Variants in HMCN2 observed in about 807,000 individuals in gnomAD.
HMCN2 encodes hemicentin-2.
In HMCN2, 325 loss-of-function variants were observed where a neutral mutation model predicts 377.5. The ratio of observed to expected loss-of-function variants is 0.86; its 90% CI spans 0.79 to 0.94. HMCN2 has a LOEUF of 0.94. HMCN2 is among the 40% of genes least tolerant of loss of function. HMCN2 has a pLI of 0.00. For synonymous variants in HMCN2, 2,007 were observed against 2,046.8 expected (o/e 0.98, Z 0.53); for missense variants, 4,543 against 4,725.3 (o/e 0.96, Z 1.13).
rs370878827 is a variant in HMCN2, at chr9:130,427,765, G to A, written c.14065+146G>A. 2.9e-6 allele frequency: 3 copies of A among 1,022,448 alleles called. No individual in the cohort carries two copies. The African/African-American group carries it at 4.9e-5, about 17-fold the overall frequency. 63.3% of individuals were successfully genotyped at this position (1,022,448 alleles called of 1,614,324 possible). A position where few individuals can be genotyped will look rare whatever the true frequency, so the allele number is the denominator to read the frequency against. ...TTGAGGGTTTTGATGTCAGCCTGGG[G>A]GTCCCAATGCTATGTCCCCACCAGG... On this transcript the variant is annotated intron_variant, in intron 92 of 97. Coordinates refer to ENST00000683500, the MANE Select transcript of HMCN2 (RefSeq NM_001291815.2).
In HMCN2 at chr9:130,394,981, G is replaced by A; in HGVS notation, c.10693-46G>A. The A allele has an allele frequency of 1.7e-6, 2 of 1,184,202 alleles. No homozygotes were observed. The highest frequency in any genetic ancestry group is 2.6e-5 in the Admixed American group (1 of 38,848). 73.4% of individuals were successfully genotyped at this position (1,184,202 alleles called of 1,614,324 possible). On this transcript the variant is annotated intron_variant, in intron 69 of 97. Coordinates refer to ENST00000683500, the MANE Select transcript of HMCN2 (RefSeq NM_001291815.2). The surrounding 1 kb of genome is among the most constrained non-coding windows in gnomAD (Gnocchi z 5.1). ...GAGAAAGAAACCAGATTGGGAGGCG[G>A]GCAGAGAGGGGCCAGGGGCAGCTGC...
At chr9:130,354,725 A>G (rs1170505482) in intron 31 of HMCN2, 38 bp from the exon 32 acceptor site, 2 of 1,263,772 alleles carry the variant, frequency 1.6e-6, no homozygotes, top group Non-Finnish European at 2.1e-6. Flanking sequence ...GCTAGCGTCC[A>G]GCTGTGGTCC....
intron 4 of HMCN2, among the ~76,000 whole-genome samples, chr9:130,287,197 G>A (rs1588174969): frequency 1.3e-5 from 2 of 152,016 alleles, no homozygotes; most frequent in Admixed American, 6.6e-5. Flanking sequence ...GGTCCCTCCC[G>A]CTTGTCCCCT....
intron 85 of HMCN2, among the ~76,000 whole-genome samples, chr9:130,412,116 C>T (rs1182848857): frequency 2.0e-5 from 3 of 152,088 alleles, no homozygotes; most frequent in South Asian, 2.1e-4. Flanking sequence ...GGATTATAGG[C>T]GCACGCCACC....
chr9:130,302,299 G>A (rs548563926), intron 8 of HMCN2, among the ~76,000 whole-genome samples: 60 of 152,120 alleles, frequency 3.9e-4, no homozygotes, highest in Non-Finnish European at 8.1e-4. Context: ...GCCCACCTCC[G>A]CCTCCCAAAG....
At chr9:130,293,742 T>C (rs1296061455) in intron 4 of HMCN2, among the ~76,000 whole-genome samples, 1 of 152,160 alleles carries the variant, frequency 6.6e-6, no homozygotes, top group Non-Finnish European at 1.5e-5. Flanking sequence ...GAGACACACA[T>C]GGGCACAGCA....
Position 130,365,625 on chromosome 9 carries a change from T to A in HMCN2, c.6409-6T>A, listed in dbSNP as rs1023991354. The A allele has an allele frequency of 1.0e-6, 1 of 985,868 alleles. No individual in the cohort carries two copies. The highest frequency in any genetic ancestry group is 1.7e-5 in the African/African-American group (1 of 57,368). 61.1% of individuals were successfully genotyped at this position (985,868 alleles called of 1,614,324 possible). A position where few individuals can be genotyped will look rare whatever the true frequency, so the allele number is the denominator to read the frequency against. ...CCTCCCATGGGGTGTCTTTGCTCTC[T>A]GCCAGGTGGACAGAGCCGATGTGTG... On this transcript the variant is annotated splice_polypyrimidine_tract_variant and splice_region_variant and intron_variant, in intron 41 of 97. Transcript: ENST00000683500.
intron 8 of HMCN2, among the ~76,000 whole-genome samples, chr9:130,300,818 A>G (rs367798481): frequency 2.0e-5 from 3 of 152,206 alleles, no homozygotes; most frequent in South Asian, 4.1e-4. Context: ...GGAAGCTCCC[A>G]GGGAGAAGGG....
chr9:130,418,695 G>A, intron 85 of HMCN2, 77 bp from the exon 86 acceptor site: 2 of 1,212,644 alleles, frequency 1.6e-6, no homozygotes, highest in East Asian at 5.5e-5. Flanking sequence ...ATTTCCCAGT[G>A]TGTCTAAATG....
At chr9:130,358,815 A>C (rs1187491045) in intron 36 of HMCN2, among the ~76,000 whole-genome samples, 1 of 152,040 alleles carries the variant, frequency 6.6e-6, no homozygotes, top group Non-Finnish European at 1.5e-5. Context: ...CTGGGGCTAC[A>C]GGCACCCACC....
chr9:130,379,481 G>A lies in HMCN2; in HGVS notation c.8431+14G>A, dbSNP rs1841582854. ...CTGTGCTGCAAGGTGGGTCAGGGGTGCGTGAAGAAAGTGGGCGCTTTGAGC... is the reference window on the plus strand; with the variant it reads ...CTGTGCTGCAAGGTGGGTCAGGGGTACGTGAAGAAAGTGGGCGCTTTGAGC... On this transcript the variant is annotated intron_variant, in intron 54 of 97. Transcript: ENST00000683500. 1 of 984,446 alleles carries A rather than the reference G, an allele frequency of 1.0e-6. No homozygotes were observed. Among genetic ancestry groups the A allele is most frequent in the Non-Finnish European group, 1.2e-6 (1 of 828,744 alleles). 61.0% of individuals were successfully genotyped at this position (984,446 alleles called of 1,614,324 possible).
intron 61 of HMCN2, among the ~76,000 whole-genome samples, chr9:130,387,094 G>C (rs1363277375): frequency 6.6e-6 from 1 of 152,226 alleles, no homozygotes; most frequent in Non-Finnish European, 1.5e-5. Flanking sequence ...CACGTTACCT[G>C]CATCTTGATC....
At chr9:130,307,939 T>G (rs1836977218) in intron 14 of HMCN2, among the ~76,000 whole-genome samples, 1 of 152,162 alleles carries the variant, frequency 6.6e-6, no homozygotes. Flanking sequence ...GTTTTATTTT[T>G]TATTTTTTTG....
chr9:130,364,593 G>T, intron 40 of HMCN2, 121 bp from the exon 41 acceptor site: 2 of 290,224 alleles, frequency 6.9e-6, no homozygotes, highest in Non-Finnish European at 1.0e-5. Context: ...AGGACTGAAG[G>T]CAGAGGAAGG....
At chr9:130,316,836 C>T (rs2131387801) in intron 15 of HMCN2, among the ~76,000 whole-genome samples, 1 of 152,312 alleles carries the variant, frequency 6.6e-6, no homozygotes, top group East Asian at 1.9e-4. Flanking sequence ...GGGCAGAGCA[C>T]TGGGCTGGGA....
chr9:130,353,100 CA>C lies in HMCN2; in HGVS notation c.4760del (p.Gln1587ArgfsTer50). The C allele has an allele frequency of 7.7e-7, 1 of 1,304,236 alleles. No individual in the cohort carries two copies. The highest frequency in any genetic ancestry group is 1.0e-6 in the Non-Finnish European group (1 of 988,934). 80.8% of individuals were successfully genotyped at this position (1,304,236 alleles called of 1,614,324 possible). A position where few individuals can be genotyped will look rare whatever the true frequency, so the allele number is the denominator to read the frequency against. On this transcript the variant is annotated frameshift_variant, in exon 31 of 98. Coordinates refer to ENST00000683500, the MANE Select transcript of HMCN2 (RefSeq NM_001291815.2). LOFTEE classifies it high-confidence loss of function. ...TKVVYTRGGR[Q>X]LQLGRAQSSD... ...GGTGGTCTACACTAGGGGCGGTCGG[CA>C]GTTGCAGCTGGGGAGGGCCCAGAGC...
At position 130,369,896 on chromosome 9, in the gene HMCN2, G is replaced by A. The variant is rs1052665673; in HGVS notation, c.7069+45G>A. ...GGAGGAGTTGGGCTGGGGCAGATTA[G>A]AGTGGGCAAGGTGGGTTCAATCTCC... On this transcript the variant is annotated intron_variant, in intron 45 of 97. Transcript: ENST00000683500. The surrounding 1 kb of genome is among the most constrained non-coding windows in gnomAD (Gnocchi z 4.5). 3 of 980,896 alleles carry A rather than the reference G, an allele frequency of 3.1e-6. No individual in the cohort carries two copies. The African/African-American group carries it at 5.3e-5, about 17-fold the overall frequency. The allele number at this position is 980,896 out of a possible 1,614,324, so 60.8% of individuals were successfully genotyped here.
chr9:130,403,653 G>C (rs2131724629), intron 79 of HMCN2, 88 bp from the exon 80 acceptor site: 4 of 1,204,522 alleles, frequency 3.3e-6, no homozygotes, highest in Non-Finnish European at 4.3e-6. Context: ...GTCATTTGCT[G>C]CCTGTGAGAC....
rs936978001 is a variant in HMCN2 at position 130,368,447 on chromosome 9, C to T, written c.6787+10C>T. On this transcript the variant is annotated intron_variant, in intron 44 of 97. Transcript: ENST00000683500. Reference sequence around the variant, plus strand: ...CAGCTGGAGGTGCACGGTGGGTGAGCTGGGCGGGGGCTGGAAGGGTCTGGG... The same window carrying T: ...CAGCTGGAGGTGCACGGTGGGTGAGTTGGGCGGGGGCTGGAAGGGTCTGGG... 40 of 985,924 alleles carry T rather than the reference C, an allele frequency of 4.1e-5. No individual in the cohort carries two copies. The highest frequency in any genetic ancestry group is 4.7e-5 in the Non-Finnish European group (39 of 830,168). 61.1% of individuals were successfully genotyped at this position (985,924 alleles called of 1,614,324 possible).
Sources: gnomAD v4.1 joint callset for allele counts (sites outside exome capture counted in the v4.1 genomes callset) on GRCh38, gnomAD v4.1.1 for gene constraint, Gnocchi (gnomAD v3.1) non-coding constraint, MANE v1.5 for transcripts, NCBI Gene and HGNC (gene_info 2026-07-23, HGNC 2026-07-21) for gene names.